ATR: variants seen among roughly 807,000 people sequenced by gnomAD.
ATR encodes the protein serine/threonine-protein kinase ATR.
Under a neutral mutation model 305.3 loss-of-function variants are expected in ATR, and 142 were observed. That is an observed-to-expected ratio of 0.47 (90% CI 0.41 to 0.53). The LOEUF (loss-of-function observed/expected upper bound fraction) is 0.53. ATR is among the 20% of genes least tolerant of loss of function. ATR has a pLI of 0.00. For missense variants in ATR, 2,135 were observed against 3,133.1 expected (o/e 0.68, Z 7.60); for synonymous variants, 1,050 against 1,068.1 (o/e 0.98, Z 0.33).
Position 142,550,306 on chromosome 3 carries a change from G to C in ATR, c.2806-4C>G, listed in dbSNP as rs774760806. 6 of 1,613,730 alleles carry C rather than the reference G, an allele frequency of 3.7e-6. No individual in the cohort carries two copies. The highest frequency in any genetic ancestry group is 3.3e-5 in the Admixed American group (2 of 60,016). ...AGTGAAGGGATTCTACCAAAAACTA[G>C]AGCAAAAACCATTTTATTGTGAGTT... On this transcript the variant is annotated splice_region_variant and splice_polypyrimidine_tract_variant and intron_variant, in intron 13 of 46. Coordinates refer to ENST00000350721, the MANE Select transcript of ATR (RefSeq NM_001184.4).
chr3:142,453,099 G>T (rs1000323345), intron 46 of ATR, 29 bp downstream of exon 46: 4 of 1,613,478 alleles, frequency 2.5e-6, no homozygotes, highest in Non-Finnish European at 2.5e-6. Context: ...GAGGACTACA[G>T]CCCATATCAA....
chr3:142,478,584 G>A (rs1439016195), intron 36 of ATR, among the ~76,000 whole-genome samples: 2 of 152,194 alleles, frequency 1.3e-5, no homozygotes, highest in African/African-American at 4.8e-5. Flanking sequence ...GGGGTGGAGA[G>A]TTCTGTAGAT....
At chr3:142,528,752 A>G (rs868855740) in intron 21 of ATR, among the ~76,000 whole-genome samples, 2 of 149,422 alleles carry the variant, frequency 1.3e-5, no homozygotes, top group Middle Eastern at 3.5e-3. Flanking sequence ...ATTATAATAC[A>G]GTATACTATA....
At position 142,458,954 on chromosome 3, in the gene ATR, A is replaced by C; in HGVS notation, c.7503+4T>G. The C allele has an allele frequency of 6.2e-7, 1 of 1,613,462 alleles. No individual in the cohort carries two copies. Among genetic ancestry groups the C allele is most frequent in the African/African-American group, 1.3e-5 (1 of 75,024 alleles). ...AATTAGTAAGAGTAACTCATATCAC[A>C]TACCTTATTGAAAAGACAATTGAAA... On this transcript the variant is annotated splice_donor_region_variant and intron_variant, in intron 44 of 46. Coordinates refer to ENST00000350721, the MANE Select transcript of ATR (RefSeq NM_001184.4).
intron 38 of ATR, 64 bp downstream of exon 38, chr3:142,469,273 A>C (rs2071201827): frequency 1.4e-5 from 19 of 1,358,510 alleles, no homozygotes; most frequent in Non-Finnish European, 2.0e-5. Flanking sequence ...TTAGTATTAC[A>C]TAATCAAGTT....
chr3:142,496,278 C>CTATA (rs6148111), intron 34 of ATR, 83 bp downstream of exon 34: 22 of 115,146 alleles, frequency 1.9e-4, no homozygotes, highest in Non-Finnish European at 2.5e-4. Context: ...TAATTCCCGA[C>CTATA]TATATATATA....
At chr3:142,463,788 C>A (rs951259001) in intron 41 of ATR, among the ~76,000 whole-genome samples, 3 of 152,124 alleles carry the variant, frequency 2.0e-5, no homozygotes, top group Non-Finnish European at 2.9e-5. Context: ...TTAAACCAAG[C>A]AGACTATAAC....
At chr3:142,499,764 T>A in intron 30 of ATR, 46 bp from the exon 31 acceptor site, 2 of 1,522,266 alleles carry the variant, frequency 1.3e-6, no homozygotes, top group Non-Finnish European at 1.8e-6. Context: ...TTATTTAAGG[T>A]GACATTCAGA....
intron 21 of ATR, among the ~76,000 whole-genome samples, chr3:142,534,603 G>C (rs1278377161): frequency 6.6e-6 from 1 of 151,996 alleles, no homozygotes; most frequent in Non-Finnish European, 1.5e-5. Flanking sequence ...CTATCATCAA[G>C]TTTAGGGATA....
intron 30 of ATR, among the ~76,000 whole-genome samples, chr3:142,502,158 C>T (rs373849748): frequency 1.2e-4 from 19 of 152,256 alleles, no homozygotes; most frequent in South Asian, 4.1e-4. Flanking sequence ...CTGTGGAAGG[C>T]GGTTTAGAGA....
At chr3:142,484,910 TAGAG>T (rs1175421438) in intron 36 of ATR, among the ~76,000 whole-genome samples, 3 of 152,260 alleles carry the variant, frequency 2.0e-5, no homozygotes, top group South Asian at 2.1e-4. Flanking sequence ...ATAACATAGT[TAGAG>T]AGAGTTTCCA....
intron 36 of ATR, among the ~76,000 whole-genome samples, chr3:142,479,124 C>G (rs536572921): frequency 0.07 from 10,299 of 147,330 alleles, 1,042 homozygotes; most frequent in African/African-American, 0.23. Flanking sequence ...ATTTGATCCT[C>G]TCAGTATGAT....
At chr3:142,546,485 A>C (rs1458545796) in intron 16 of ATR, among the ~76,000 whole-genome samples, 1 of 152,212 alleles carries the variant, frequency 6.6e-6, no homozygotes, top group Non-Finnish European at 1.5e-5. Context: ...GCTCAGAGGC[A>C]GTCTGGACTG....
At chr3:142,516,232 C>T (rs1347048397) in intron 24 of ATR, among the ~76,000 whole-genome samples, 1 of 152,084 alleles carries the variant, frequency 6.6e-6, no homozygotes, top group African/African-American at 2.4e-5. Context: ...CTGTATGGTC[C>T]TTCACTTCTA....
At chr3:142,451,027 C>G in intron 46 of ATR, 1 of 1,262,996 alleles carries the variant, frequency 7.9e-7, no homozygotes, top group South Asian at 1.5e-5. Context: ...TCTTAAGAGA[C>G]ACCAGTGAAT....
Position 142,561,283 on chromosome 3 carries a change from A to G in ATR, c.1309T>C (p.Ser437Pro), listed in dbSNP as rs766868000. 6.2e-7 allele frequency: 1 copy of G among 1,614,140 alleles called. No individual in the cohort carries two copies. Among genetic ancestry groups the G allele is most frequent in the Non-Finnish European group, 8.5e-7 (1 of 1,179,998 alleles). The change falls in exon 5 of 47, where the codon TCT (serine) becomes CCT (proline). Residue 437 changes from serine (S) to proline (P), a missense_variant. Coordinates refer to ENST00000350721, the MANE Select transcript of ATR (RefSeq NM_001184.4). ...GGTGCTCTTTTAGAAGGGTTTAGAGACGAGCTGAGACGACGCCTTTTGGGT... is the reference window on the plus strand; with the variant it reads ...GGTGCTCTTTTAGAAGGGTTTAGAGGCGAGCTGAGACGACGCCTTTTGGGT... ...ISPKRRRLSS[S>P]LNPSKRAPKQ...
chr3:142,520,591 T>G (rs774306012), intron 23 of ATR, among the ~76,000 whole-genome samples: 4 of 152,108 alleles, frequency 2.6e-5, no homozygotes, highest in Non-Finnish European at 4.4e-5. Flanking sequence ...GCCACAACAT[T>G]CCCTTAAGCC....
intron 30 of ATR, among the ~76,000 whole-genome samples, chr3:142,502,846 G>A (rs1490480488): frequency 5.3e-5 from 8 of 152,194 alleles, no homozygotes; most frequent in Non-Finnish European, 1.2e-4. Flanking sequence ...CAAACTGGAA[G>A]AACTACTCAG....
chr3:142,503,338 G>C, intron 30 of ATR, 24 bp downstream of exon 30: 1 of 1,532,984 alleles, frequency 6.5e-7, no homozygotes, highest in Non-Finnish European at 9.0e-7. Flanking sequence ...AATAACAAAA[G>C]AAAATCATTT....
Sources: gnomAD v4.1 joint callset for allele counts (sites outside exome capture counted in the v4.1 genomes callset) on GRCh38, gnomAD v4.1.1 for gene constraint, MANE v1.5 for transcripts, NCBI Gene and HGNC (gene_info 2026-07-23, HGNC 2026-07-21) for gene names.